YTHDF3: variants seen among roughly 807,000 people sequenced by gnomAD.
YTHDF3 encodes the protein YTH domain-containing family protein 3.
Under a neutral mutation model 52.5 loss-of-function variants are expected in YTHDF3, and 9 were observed. The observed-to-expected ratio is 0.17, with a 90% CI of 0.10 to 0.30. YTHDF3 has a LOEUF of 0.30. YTHDF3 is among the 10% of genes least tolerant of loss of function. The pLI is 1.00. For missense variants in YTHDF3, 534 were observed against 715.0 expected, an observed-to-expected ratio of 0.75 and a Z score of 2.89; for synonymous variants, 274 against 243.3, an observed-to-expected ratio of 1.13 and a Z score of -1.18.
Position 63,169,342 on chromosome 8 carries a change from C to CT in YTHDF3, c.25-43dup, listed in dbSNP as rs763509289. On this transcript the variant is annotated intron_variant, in intron 1 of 4. Coordinates refer to ENST00000539294, the MANE Select transcript of YTHDF3 (RefSeq NM_152758.6). ...CTTTGATTAACACACTTTTTCTTTT[C>CT]TTCCTTTTTCTCCTCTTTACCGCAT... The CT allele has an allele frequency of 1.1e-5, 17 of 1,577,730 alleles. No homozygotes were observed. The Middle Eastern group carries it at 1.2e-3, about 108-fold the overall frequency.
chr8:63,194,473 G>A (rs1390578709), intron 4 of YTHDF3, among the ~76,000 whole-genome samples: 7 of 151,982 alleles, frequency 4.6e-5, no homozygotes, highest in East Asian at 1.9e-4. Flanking sequence ...CAACAAGAGC[G>A]AAACTCTGTC....
At chr8:63,171,034 A>G (rs995547524) in intron 2 of YTHDF3, among the ~76,000 whole-genome samples, 2 of 152,190 alleles carry the variant, frequency 1.3e-5, no homozygotes, top group Admixed American at 1.3e-4. Context: ...ATTTTTATCC[A>G]TCAGTATCGC....
At chr8:63,208,426 A>C (rs78544098) in intron 4 of YTHDF3, among the ~76,000 whole-genome samples, 1,729 of 152,342 alleles carry the variant, frequency 0.011, 22 homozygotes, top group African/African-American at 0.035. Flanking sequence ...AAATGAGAGT[A>C]GCAAAAGCAA....
At chr8:63,199,444 C>T (rs1809458287) in intron 4 of YTHDF3, among the ~76,000 whole-genome samples, 1 of 152,100 alleles carries the variant, frequency 6.6e-6, no homozygotes, top group African/African-American at 2.4e-5. Context: ...AAGTGGACTC[C>T]TGCAGTTCAC....
chr8:63,181,802 T>C (rs1388613796), intron 3 of YTHDF3, among the ~76,000 whole-genome samples: 2 of 152,218 alleles, frequency 1.3e-5, no homozygotes, highest in Non-Finnish European at 2.9e-5. Context: ...ATAGCATTCA[T>C]GTTTATTAAG....
chr8:63,199,476 G>C (rs574467425), intron 4 of YTHDF3, among the ~76,000 whole-genome samples: 21 of 152,262 alleles, frequency 1.4e-4, no homozygotes, highest in African/African-American at 5.1e-4. Flanking sequence ...TGAAGGGTCA[G>C]CTGTGTTTAA....
rs74396068 is a variant in YTHDF3, at chr8:63,201,283, G to A, written c.1735-8400G>A. On this transcript the variant is annotated intron_variant, in intron 4 of 4. Coordinates refer to ENST00000539294, the MANE Select transcript of YTHDF3 (RefSeq NM_152758.6). ...TCATGCCTGTGATCCCAGGAATTTG[G>A]GAAGGTGAGGCGGGAGGATTGCTTG... is the stretch of plus-strand genomic sequence containing the variant. Among the ~76,000 whole-genome samples the A allele has an allele frequency of 3.1e-3, 478 of 152,206 alleles. 6 individuals carry two copies. The highest frequency in any genetic ancestry group is 0.028 in the East Asian group (144 of 5,170).
At position 63,187,088 on chromosome 8, in the gene YTHDF3, CAG is replaced by C; in HGVS notation, c.1078_1079del (p.Arg360GlyfsTer13). 3.1e-6 allele frequency: 5 copies of C among 1,613,842 alleles called. No homozygotes were observed. Among genetic ancestry groups the C allele is most frequent in the Non-Finnish European group, 4.2e-6 (5 of 1,179,812 alleles). ...AGAATCGCTGGGTAGCTCCTCGTAA[CAG>C]GGGAGCAGGCTTCAACCAGAACAAT... Reference protein sequence around the residue: ...LQNRWVAPRNRGAGFNQNNGA... With the variant: ...LQNRWVAPRNXGAGFNQNNGA... On this transcript the variant is annotated frameshift_variant, in exon 4 of 5. Transcript: ENST00000539294. LOFTEE classifies it high-confidence loss of function.
chr8:63,195,219 A>G (rs1809159160), intron 4 of YTHDF3, among the ~76,000 whole-genome samples: 1 of 152,212 alleles, frequency 6.6e-6, no homozygotes, highest in South Asian at 2.1e-4. Flanking sequence ...ATATTTGAAA[A>G]CATAATTTTG....
At chr8:63,175,472 T>A (rs1807624429) in intron 3 of YTHDF3, 56 bp downstream of exon 3, 5 of 1,338,962 alleles carry the variant, frequency 3.7e-6, no homozygotes, top group Non-Finnish European at 5.3e-6. Flanking sequence ...TAGTATTAGT[T>A]GATTTTTCAA....
rs1410408781 is a variant in YTHDF3 at position 63,186,731 on chromosome 8, C to T, written c.720C>T (p.Ala240=). Residue 240 remains alanine (A), a synonymous_variant, in exon 4 of 5, where the codon GCC becomes GCT. Transcript: ENST00000539294. ...CACCTAAACCAACCTCCTGGGCTGCCATTGCCAGAAAGCCTGCCAAACCTC... is the reference window on the plus strand; with the variant it reads ...CACCTAAACCAACCTCCTGGGCTGCTATTGCCAGAAAGCCTGCCAAACCTC... ...SAAPKPTSWA[A]IARKPAKPQP... 2 of 1,613,828 alleles carry T rather than the reference C, an allele frequency of 1.2e-6. No homozygotes were observed. The highest frequency in any genetic ancestry group is 2.7e-5 in the African/African-American group (2 of 74,914).
At chr8:63,189,747 A>G (rs1808797532) in intron 4 of YTHDF3, among the ~76,000 whole-genome samples, 1 of 152,194 alleles carries the variant, frequency 6.6e-6, no homozygotes, top group Non-Finnish European at 1.5e-5. Context: ...GGTATATTTG[A>G]TAAAGGAACT....
intron 4 of YTHDF3, among the ~76,000 whole-genome samples, chr8:63,205,721 A>G (rs1809985873): frequency 6.6e-6 from 1 of 152,154 alleles, no homozygotes; most frequent in African/African-American, 2.4e-5. Context: ...GGCGTGAGCC[A>G]CTGCACCCGG....
chr8:63,186,132 T>C lies in YTHDF3; in HGVS notation c.136-15T>C, dbSNP rs1326923786. The C allele has an allele frequency of 6.3e-7, 1 of 1,587,404 alleles. No homozygotes were observed. The highest frequency in any genetic ancestry group is 2.3e-5 in the East Asian group (1 of 44,358). On this transcript the variant is annotated splice_polypyrimidine_tract_variant and intron_variant, in intron 3 of 4. Coordinates refer to ENST00000539294, the MANE Select transcript of YTHDF3 (RefSeq NM_152758.6). Reference sequence around the variant, plus strand: ...GAGGACATTTCGCTACTGATTGTGATATTTTGTTTTGCAGAGTAACAGCTA... The same window carrying C: ...GAGGACATTTCGCTACTGATTGTGACATTTTGTTTTGCAGAGTAACAGCTA...
chr8:63,184,475 A>G, intron 3 of YTHDF3, among the ~76,000 whole-genome samples: 1 of 152,256 alleles, frequency 6.6e-6, no homozygotes, highest in Non-Finnish European at 1.5e-5. Context: ...TAGCTTTCTC[A>G]TAGACAGTAG....
chr8:63,176,266 T>G (rs148239082), intron 3 of YTHDF3, among the ~76,000 whole-genome samples: 1 of 152,326 alleles, frequency 6.6e-6, no homozygotes, highest in East Asian at 1.9e-4. Flanking sequence ...GTCTTAAAAT[T>G]AGTTCTGTAG....
intron 4 of YTHDF3, among the ~76,000 whole-genome samples, chr8:63,205,547 C>T (rs576514993): frequency 6.6e-6 from 1 of 151,742 alleles, no homozygotes; most frequent in African/African-American, 2.4e-5. Context: ...AATTCTCCTG[C>T]TTCATCCTCC....
intron 3 of YTHDF3, among the ~76,000 whole-genome samples, chr8:63,179,700 C>T (rs1024071582): frequency 8.5e-5 from 13 of 152,236 alleles, no homozygotes; most frequent in Admixed American, 6.5e-4. Flanking sequence ...AAACCGCCAT[C>T]GCCATCATGG....
intron 4 of YTHDF3, among the ~76,000 whole-genome samples, chr8:63,204,511 G>A (rs552872697): frequency 1.2e-4 from 18 of 151,854 alleles, no homozygotes; most frequent in African/African-American, 2.2e-4. Flanking sequence ...ACAGGCATGC[G>A]CCGCCACACC....
Sources: gnomAD v4.1 joint callset for allele counts (sites outside exome capture counted in the v4.1 genomes callset) on GRCh38, gnomAD v4.1.1 for gene constraint, MANE v1.5 for transcripts, NCBI Gene and HGNC (gene_info 2026-07-23, HGNC 2026-07-21) for gene names.